NWD2: variants seen among roughly 807,000 people sequenced by gnomAD.
NWD2 encodes NACHT and WD repeat domain containing 2.
Under a neutral mutation model 132.7 loss-of-function variants are expected in NWD2, and 37 were observed. The ratio of observed to expected loss-of-function variants is 0.28; its 90% CI spans 0.21 to 0.37. NWD2 has a LOEUF of 0.37. Ranked by LOEUF, NWD2 falls within the 10% of genes least tolerant of loss-of-function variation. The probability of loss-of-function intolerance (pLI) is 1.00; values close to 1 mark genes in which losing one functional copy is unlikely to be tolerated. For synonymous variants in NWD2, 705 were observed against 803.0 expected (o/e 0.88, Z 2.06); for missense variants, 1,592 against 2,122.4 (o/e 0.75, Z 4.91).
At chr4:37,296,607 G>A (rs894391790) in intron 1 of NWD2, among the ~76,000 whole-genome samples, 3 of 152,046 alleles carry the variant, frequency 2.0e-5, no homozygotes, top group Non-Finnish European at 2.9e-5. Context: ...CCCAAAGATC[G>A]TATGTTCCCA....
At chr4:37,344,867 A>G (rs1490303387) in intron 2 of NWD2, among the ~76,000 whole-genome samples, 1 of 152,128 alleles carries the variant, frequency 6.6e-6, no homozygotes, top group African/African-American at 2.4e-5. Context: ...TGACTCCCCA[A>G]GCACCCCATT....
chr4:37,247,447 G>A (rs1373857175), intron 1 of NWD2, among the ~76,000 whole-genome samples: 1 of 152,108 alleles, frequency 6.6e-6, no homozygotes, highest in Non-Finnish European at 1.5e-5. Flanking sequence ...TCCAATTTAT[G>A]TTCTAAATAA....
chr4:37,394,059 A>G (rs1300633921), intron 3 of NWD2, among the ~76,000 whole-genome samples: 2 of 152,254 alleles, frequency 1.3e-5, no homozygotes, highest in Non-Finnish European at 2.9e-5. Context: ...TGTGGCTCTC[A>G]TCTGCCTAAT....
intron 3 of NWD2, among the ~76,000 whole-genome samples, chr4:37,374,883 G>A (rs1720313426): frequency 6.6e-6 from 1 of 152,198 alleles, no homozygotes; most frequent in Non-Finnish European, 1.5e-5. Flanking sequence ...GTAAAACTCT[G>A]TGCTGAGAGT....
intron 3 of NWD2, among the ~76,000 whole-genome samples, chr4:37,418,730 G>A (rs764406838): frequency 3.3e-5 from 5 of 152,048 alleles, no homozygotes; most frequent in Middle Eastern, 3.4e-3. Flanking sequence ...AGATCCTTGA[G>A]GAATTGCCAC....
At chr4:37,361,206 C>T (rs919841202) in intron 3 of NWD2, among the ~76,000 whole-genome samples, 36 of 151,960 alleles carry the variant, frequency 2.4e-4, no homozygotes, top group African/African-American at 8.0e-4. Flanking sequence ...AAAAAAAGCC[C>T]GGAACCAGAT....
intron 3 of NWD2, among the ~76,000 whole-genome samples, chr4:37,362,520 C>T (rs2109302775): frequency 6.6e-6 from 1 of 152,280 alleles, no homozygotes; most frequent in Non-Finnish European, 1.5e-5. Flanking sequence ...AAGCTGCACA[C>T]CTACAGCCAT....
chr4:37,338,326 A>AT (rs1719451894), intron 2 of NWD2, among the ~76,000 whole-genome samples: 1 of 152,244 alleles, frequency 6.6e-6, no homozygotes, highest in South Asian at 2.1e-4. Flanking sequence ...CAAGAGCTCC[A>AT]TTTTTCCCCT....
intron 1 of NWD2, among the ~76,000 whole-genome samples, chr4:37,319,588 G>T (rs1719028583): frequency 6.6e-6 from 1 of 151,864 alleles, no homozygotes; most frequent in Non-Finnish European, 1.5e-5. Flanking sequence ...TTTTCTTTTG[G>T]GATTCTTACA....
At chr4:37,305,220 G>A (rs1718685549) in intron 1 of NWD2, among the ~76,000 whole-genome samples, 1 of 152,212 alleles carries the variant, frequency 6.6e-6, no homozygotes, top group African/African-American at 2.4e-5. Flanking sequence ...ACACAGCACA[G>A]GGAACCTGTT....
intron 2 of NWD2, among the ~76,000 whole-genome samples, chr4:37,347,380 C>T (rs1560400600): frequency 6.6e-6 from 1 of 152,062 alleles, no homozygotes; most frequent in East Asian, 1.9e-4. Flanking sequence ...AGTTGTTCCT[C>T]CCTTTATTGA....
intron 1 of NWD2, among the ~76,000 whole-genome samples, chr4:37,309,085 C>T (rs1479913164): frequency 6.6e-6 from 1 of 152,202 alleles, no homozygotes; most frequent in Non-Finnish European, 1.5e-5. Context: ...TTGGCAGGCC[C>T]TTGGTGGGCC....
chr4:37,276,592 A>G (rs73240349), intron 1 of NWD2, among the ~76,000 whole-genome samples: 24,626 of 151,118 alleles, frequency 0.16, 2,554 homozygotes, highest in South Asian at 0.32. Context: ...CTATTACTGG[A>G]TTATAAATCA....
intron 1 of NWD2, 55 bp from the exon 2 acceptor site, chr4:37,325,881 C>T: frequency 9.3e-7 from 1 of 1,072,152 alleles, no homozygotes; most frequent in Non-Finnish European, 1.4e-6. Flanking sequence ...ATTTTTTTGC[C>T]AGAAACATAT....
rs932699470 is a variant in NWD2 at position 37,275,134 on chromosome 4, C to A, written c.151+29916C>A. ...GTATTCAATTAGGAAAAGAGGAAGT[C>A]AAATTGTCCCTGTTTGTAAATGGCA... On this transcript the variant is annotated intron_variant, in intron 1 of 6. Coordinates refer to ENST00000309447, the MANE Select transcript of NWD2 (RefSeq NM_001144990.2). Among the ~76,000 whole-genome samples the A allele has an allele frequency of 2.6e-5, 4 of 152,180 alleles. 1 individual carries two copies. The East Asian group carries it at 7.7e-4, about 29-fold the overall frequency.
chr4:37,403,542 G>C (rs1720938607), intron 3 of NWD2, among the ~76,000 whole-genome samples: 1 of 152,134 alleles, frequency 6.6e-6, no homozygotes, highest in Admixed American at 6.5e-5. Flanking sequence ...TGAGGAGTGG[G>C]TTCCTGACAA....
chr4:37,268,499 AT>A (rs983043118), intron 1 of NWD2, among the ~76,000 whole-genome samples: 33 of 152,016 alleles, frequency 2.2e-4, no homozygotes, highest in African/African-American at 7.7e-4. Flanking sequence ...GTATTCATCT[AT>A]GGGTTCTGAG....
chr4:37,447,691 C>T lies in NWD2; in HGVS notation c.*474C>T, dbSNP rs1285251880. On this transcript the variant is annotated 3_prime_UTR_variant, in exon 7 of 7. Transcript: ENST00000309447. ...TTACAGTCCTGACAACTGTGTACACCTAGTCTGCAGTGAACGGTCTAAAGG... is the reference window on the plus strand; with the variant it reads ...TTACAGTCCTGACAACTGTGTACACTTAGTCTGCAGTGAACGGTCTAAAGG... The T allele has an allele frequency of 5.9e-6, 1 of 168,118 alleles. No homozygotes were observed. The highest frequency in any genetic ancestry group is 2.4e-5 in the African/African-American group (1 of 41,726). 10.4% of individuals were successfully genotyped at this position (168,118 alleles called of 1,614,324 possible).
chr4:37,384,196 T>C (rs1249564718), intron 3 of NWD2, among the ~76,000 whole-genome samples: 1 of 152,224 alleles, frequency 6.6e-6, no homozygotes, highest in Non-Finnish European at 1.5e-5. Context: ...CTAGCCTGTC[T>C]TCTAAGATGT....
Sources: gnomAD v4.1 joint callset for allele counts (sites outside exome capture counted in the v4.1 genomes callset) on GRCh38, gnomAD v4.1.1 for gene constraint, MANE v1.5 for transcripts, NCBI Gene and HGNC (gene_info 2026-07-23, HGNC 2026-07-21) for gene names.